Variants in ARRB1 observed in about 807,000 individuals in gnomAD.
The protein encoded by ARRB1 is arrestin beta 1.
Under a neutral mutation model 56.8 loss-of-function variants are expected in ARRB1, and 21 were observed. The observed-to-expected ratio is 0.37, with a 90% CI of 0.26 to 0.53. The LOEUF is 0.53. Among genes scored for constraint, ARRB1 ranks in the 20% least tolerant of loss-of-function variants. The pLI is 0.88. For synonymous variants in ARRB1, 210 were observed against 218.6 expected (o/e 0.96, Z 0.35); for missense variants, 424 against 553.7 (o/e 0.77, Z 2.35).
rs1946384631 is a variant in ARRB1 at position 75,283,022 on chromosome 11, C to CCTTAG, written c.354+260_354+264dup. On this transcript the variant is annotated intron_variant, in intron 5 of 15. Transcript: ENST00000420843. ...AAGGGCTCTTTCTTTCTCTGAAGCC[C>CCTTAG]CTTAGCACCCCCTTTCTCCCACCAA... Among the ~76,000 whole-genome samples the CCTTAG allele has an allele frequency of 1.3e-5, 2 of 152,202 alleles. 1 individual carries two copies. The highest frequency in any genetic ancestry group is 1.3e-4 in the Admixed American group (2 of 15,278).
Position 75,274,162 on chromosome 11 carries a change from G to C in ARRB1, c.826C>G (p.Pro276Ala). 1 of 1,614,218 alleles carries C rather than the reference G, an allele frequency of 6.2e-7. No homozygotes were observed. The highest frequency in any genetic ancestry group is 8.5e-7 in the Non-Finnish European group (1 of 1,180,038). The change falls in exon 11 of 16, where the codon CCC (proline) becomes GCC (alanine). Residue 276 changes from proline to alanine, a missense_variant. Pro to Ala is a conservative substitution (Grantham distance 27). Around this residue, in one of 3 missense-constraint regions of ARRB1, gnomAD observed 301 missense variants for 387.9 expected, o/e 0.78. Transcript: ENST00000420843. ...TTCTCTCGGTTATTGGCTAGGAAGGGGGTCAGTGTGTAGACCTTGCAGAAC... is the reference window on the plus strand; with the variant it reads ...TTCTCTCGGTTATTGGCTAGGAAGGCGGTCAGTGTGTAGACCTTGCAGAAC... ...STFCKVYTLTPFLANNREKRG... is the reference protein window; with the variant it reads ...STFCKVYTLTAFLANNREKRG...
At chr11:75,277,271 AG>A in intron 9 of ARRB1, 92 bp downstream of exon 9, 1 of 1,292,254 alleles carries the variant, frequency 7.7e-7, no homozygotes, top group Non-Finnish European at 1.1e-6. Context: ...TTTTTATACA[AG>A]GCTGTTAACA....
chr11:75,304,406 GC>G (rs1272694946), intron 1 of ARRB1, among the ~76,000 whole-genome samples: 1 of 151,824 alleles, frequency 6.6e-6, no homozygotes, highest in Non-Finnish European at 1.5e-5. Flanking sequence ...GGCCTAAGGT[GC>G]CAGCTTTTTC....
At chr11:75,278,461 G>T in intron 8 of ARRB1, 148 bp downstream of exon 8, 1 of 1,163,548 alleles carries the variant, frequency 8.6e-7, no homozygotes, top group Non-Finnish European at 1.2e-6. Flanking sequence ...CCCCATGAGA[G>T]GTCTCAGATT....
intron 8 of ARRB1, among the ~76,000 whole-genome samples, chr11:75,278,244 G>A (rs1420503678): frequency 6.6e-6 from 1 of 152,218 alleles, no homozygotes; most frequent in Non-Finnish European, 1.5e-5. Flanking sequence ...CTCAGTGTTT[G>A]GCAGGAAGGT....
At chr11:75,336,734 C>T (rs1947609413) in intron 1 of ARRB1, among the ~76,000 whole-genome samples, 1 of 152,158 alleles carries the variant, frequency 6.6e-6, no homozygotes, top group Non-Finnish European at 1.5e-5. Context: ...CCTCAAGAAA[C>T]TTCCAGTCGG....
intron 1 of ARRB1, among the ~76,000 whole-genome samples, chr11:75,349,272 T>C (rs1460128763): frequency 6.6e-6 from 1 of 152,190 alleles, no homozygotes; most frequent in African/African-American, 2.4e-5. Context: ...CCTCTTCCCC[T>C]GCCCAGTGAA....
chr11:75,266,147 G>A lies in ARRB1; in HGVS notation c.*16C>T, dbSNP rs1173873800. 1 of 1,605,274 alleles carries A rather than the reference G, an allele frequency of 6.2e-7. No homozygotes were observed. The highest frequency in any genetic ancestry group is 1.7e-5 in the Admixed American group (1 of 60,014). ...GAGAGTGGAGCCGGAGCCACGTGGA[G>A]GCAGGGCCGGCCCGTCTATCTGTTG... On this transcript the variant is annotated 3_prime_UTR_variant, in exon 16 of 16. Coordinates refer to ENST00000420843, the MANE Select transcript of ARRB1 (RefSeq NM_004041.5).
chr11:75,272,025 C>T (rs1037224455), intron 12 of ARRB1, among the ~76,000 whole-genome samples: 11 of 152,120 alleles, frequency 7.2e-5, no homozygotes, highest in Admixed American at 1.3e-4. Context: ...CAAGGGAGGC[C>T]GGACTATCTA....
At chr11:75,342,389 C>T (rs375165018) in intron 1 of ARRB1, among the ~76,000 whole-genome samples, 2 of 152,172 alleles carry the variant, frequency 1.3e-5, no homozygotes, top group African/African-American at 2.4e-5. Context: ...TGATTATGAC[C>T]GCAGCCTGCT....
chr11:75,295,116 G>A (rs935478101), intron 1 of ARRB1, among the ~76,000 whole-genome samples: 2 of 150,676 alleles, frequency 1.3e-5, no homozygotes, highest in African/African-American at 4.9e-5. Flanking sequence ...CCAGCTACTC[G>A]AACGCTGAGA....
At chr11:75,278,456 T>C (rs1006661757) in intron 8 of ARRB1, among the ~76,000 whole-genome samples, 153 bp downstream of exon 8, 2 of 152,214 alleles carry the variant, frequency 1.3e-5, no homozygotes, top group African/African-American at 4.8e-5. Flanking sequence ...AAATCCCCCA[T>C]GAGAGGTCTC....
chr11:75,302,791 T>C (rs1273733441), intron 1 of ARRB1, among the ~76,000 whole-genome samples: 4 of 152,112 alleles, frequency 2.6e-5, no homozygotes, highest in African/African-American at 9.7e-5. Context: ...GAAATTGTCA[T>C]CATCATTATC....
intron 1 of ARRB1, among the ~76,000 whole-genome samples, chr11:75,316,118 A>G (rs1947259538): frequency 6.6e-6 from 1 of 152,172 alleles, no homozygotes; most frequent in Non-Finnish European, 1.5e-5. Context: ...ACCTGAGATC[A>G]GGAGTTCAAG....
At chr11:75,346,616 C>T (rs1947771527) in intron 1 of ARRB1, among the ~76,000 whole-genome samples, 3 of 152,316 alleles carry the variant, frequency 2.0e-5, no homozygotes, top group South Asian at 2.1e-4. Context: ...CCAGCTAATG[C>T]CTTCTGGCTG....
At chr11:75,340,695 T>C (rs944139815) in intron 1 of ARRB1, among the ~76,000 whole-genome samples, 6 of 152,214 alleles carry the variant, frequency 3.9e-5, no homozygotes, top group Non-Finnish European at 5.9e-5. Context: ...TGTTGTTTTC[T>C]GAGTGTGTGA....
intron 1 of ARRB1, among the ~76,000 whole-genome samples, chr11:75,331,875 C>T (rs1947527085): frequency 2.0e-5 from 3 of 152,058 alleles, no homozygotes; most frequent in African/African-American, 7.3e-5. Context: ...TACTGTAAGG[C>T]TTCTGAGCTC....
In ARRB1 at chr11:75,351,615, G is replaced by A. The variant is rs1223662124; in HGVS notation, c.-8C>T. On this transcript the variant is annotated 5_prime_UTR_variant, in exon 1 of 16. Transcript: ENST00000420843. ...GGTCCCTTTGTCGCCCATGGTCCGC[G>A]ACGGTCGCAGGGAGGTCCGCGGCGT... 2 of 1,444,308 alleles carry A rather than the reference G, an allele frequency of 1.4e-6. No individual in the cohort carries two copies. Among genetic ancestry groups the A allele is most frequent in the East Asian group, 3.0e-5 (1 of 33,026 alleles). The allele number at this position is 1,444,308 out of a possible 1,614,324, so 89.5% of individuals were successfully genotyped here. A position where few individuals can be genotyped will look rare whatever the true frequency, so the allele number is the denominator to read the frequency against.
chr11:75,282,131 A>C, intron 5 of ARRB1, 110 bp from the exon 6 acceptor site: 2 of 1,131,516 alleles, frequency 1.8e-6, no homozygotes, highest in Non-Finnish European at 2.6e-6. Flanking sequence ...GCCCCAGGGG[A>C]CAGGCCATGT....
Sources: allele counts gnomAD v4.1 joint callset (sites outside exome capture counted in the v4.1 genomes callset), GRCh38; gene constraint gnomAD v4.1.1; regional missense constraint gnomAD v4.1.1; transcripts MANE v1.5; gene names NCBI Gene and HGNC (gene_info 2026-07-23, HGNC 2026-07-21).